The following MIGA2 variants were observed in gnomAD, a reference collection of about 807,000 sequenced individuals.
MIGA2 encodes mitoguardin 2, also known as family with sequence similarity 73, member B.
A neutral mutation model predicts 69.9 loss-of-function variants in MIGA2; 36 were observed. That is an observed-to-expected ratio of 0.52 (90% CI 0.39 to 0.68). The LOEUF is 0.68. Ranked by LOEUF, MIGA2 falls within the 30% of genes least tolerant of loss-of-function variation. The pLI is 0.00. For missense variants in MIGA2, 660 were observed against 787.7 expected, an observed-to-expected ratio of 0.84 and a Z score of 1.94; for synonymous variants, 333 against 349.2, an observed-to-expected ratio of 0.95 and a Z score of 0.52.
rs1423561568 is a variant in MIGA2 at position 129,069,658 on chromosome 9, G to A, written c.1459-191G>A. The A allele has an allele frequency of 1.1e-5, 7 of 617,382 alleles. No individual in the cohort carries two copies. The highest frequency in any genetic ancestry group is 5.1e-5 in the Admixed American group (2 of 39,542). The allele number at this position is 617,382 out of a possible 1,614,324, so 38.2% of individuals were successfully genotyped here. The stretch of plus-strand genomic sequence containing the variant: ...CCCCACCTCTTGCAGTACTCACAGC[G>A]GCCCATGGTTACCCTGTCTGCAGAA... On this transcript the variant is annotated intron_variant, in intron 14 of 15. Coordinates refer to ENST00000684074, the MANE Select transcript of MIGA2 (RefSeq NM_001329990.2). This position sits in a 1 kb window ranked among gnomAD's most constrained non-coding sequence, Gnocchi z 4.9.
intron 9 of MIGA2, among the ~76,000 whole-genome samples, chr9:129,062,615 A>G (rs1846126089): frequency 6.6e-6 from 1 of 151,344 alleles, no homozygotes; most frequent in Non-Finnish European, 1.5e-5. Context: ...AGGCCAAAGC[A>G]GGCAGATCAC....
At chr9:129,036,825 C>A in intron 1 of MIGA2, 144 bp downstream of exon 1, 2 of 489,834 alleles carry the variant, frequency 4.1e-6, no homozygotes, top group Non-Finnish European at 5.5e-6. Flanking sequence ...GGTACCCGGG[C>A]CGGGGACGGT....
chr9:129,039,175 T>TTGTGTGTGTGTGTGTGTGTG (rs61426484), intron 1 of MIGA2, among the ~76,000 whole-genome samples: 1 of 139,904 alleles, frequency 7.1e-6, no homozygotes, highest in South Asian at 2.4e-4. Context: ...AGCTCTTTGT[T>TTGTGTGTGTGTGTGTGTGTG]TGTGTGTGTG....
chr9:129,062,531 C>CAAAAAAAAAAAAAAAAAAAAAAAAAAAA (rs1161024946), intron 9 of MIGA2, among the ~76,000 whole-genome samples: 1 of 42,554 alleles, frequency 2.3e-5, no homozygotes, highest in Non-Finnish European at 4.8e-5. Context: ...GACTCCATCT[C>CAAAAAAAAAAAAAAAAAAAAAAAAAAAA]AAAAAAAAAA....
chr9:129,045,498 C>T (rs1283716421), intron 3 of MIGA2, among the ~76,000 whole-genome samples: 1 of 148,964 alleles, frequency 6.7e-6, no homozygotes, highest in Non-Finnish European at 1.5e-5. Flanking sequence ...GTGGCTCACA[C>T]CTGTAATCCC....
chr9:129,039,153 G>A (rs1047266819), intron 1 of MIGA2, among the ~76,000 whole-genome samples: 4 of 150,072 alleles, frequency 2.7e-5, no homozygotes, highest in African/African-American at 9.8e-5. Context: ...CACAAAATAC[G>A]TAGCGTGGAG....
Position 129,068,566 on chromosome 9 carries a change from G to A in MIGA2, c.1404+234G>A. 1.8e-6 allele frequency: 1 copy of A among 542,356 alleles called. No homozygotes were observed. Among genetic ancestry groups the A allele is most frequent in the South Asian group, 2.6e-5 (1 of 39,168 alleles). The allele number at this position is 542,356 out of a possible 1,614,324, so 33.6% of individuals were successfully genotyped here. ...ATGGTGTGCGCTTTCTTCCTATTGTGTGGTTTTACTTTTGTGCTGGTATGA... is the reference window on the plus strand; with the variant it reads ...ATGGTGTGCGCTTTCTTCCTATTGTATGGTTTTACTTTTGTGCTGGTATGA... On this transcript the variant is annotated intron_variant, in intron 13 of 15. Transcript: ENST00000684074. The surrounding 1 kb of genome is among the most constrained non-coding windows in gnomAD (Gnocchi z 4.1).
intron 3 of MIGA2, among the ~76,000 whole-genome samples, chr9:129,047,970 C>T (rs576369055): frequency 1.3e-5 from 2 of 151,314 alleles, no homozygotes; most frequent in South Asian, 2.1e-4. Context: ...CTCAAGCAGT[C>T]CTCCCCCATC....
Position 129,063,258 on chromosome 9 carries a change from G to A in MIGA2, c.1025G>A (p.Gly342Asp). The A allele has an allele frequency of 2.5e-6, 4 of 1,614,078 alleles. No individual in the cohort carries two copies. The highest frequency in any genetic ancestry group is 1.7e-5 in the Admixed American group (1 of 60,032). ...CCTCCCCTCAGGACGGAGCTGCTGG[G>A]CTGCTACAGTGACCAGGACTTTCTG... is the stretch of plus-strand genomic sequence containing the variant. ...PCRTLRTELL[G>D]CYSDQDFLAK... Residue 342 changes from glycine to aspartate, a missense_variant, in exon 10 of 16, where the codon GGC becomes GAC. By Grantham distance (94) the Gly-to-Asp change is moderately conservative. This residue lies in a region of MIGA2 where 386 missense variants were observed against 402.0 expected (regional missense o/e 0.96). Transcript: ENST00000684074.
chr9:129,048,531 G>A lies in MIGA2; in HGVS notation c.412G>A (p.Val138Met). 1.2e-6 allele frequency: 2 copies of A among 1,613,884 alleles called. No homozygotes were observed. Among genetic ancestry groups the A allele is most frequent in the South Asian group, 1.1e-5 (1 of 91,088 alleles). Residue 138 changes from valine to methionine, a missense_variant, in exon 4 of 16, where the codon GTG becomes ATG. Physicochemically the swap from Val to Met is conservative, Grantham distance 21. This residue lies in a region of MIGA2 where 386 missense variants were observed against 402.0 expected (regional missense o/e 0.96). Coordinates refer to ENST00000684074, the MANE Select transcript of MIGA2 (RefSeq NM_001329990.2). ...PSKHSGSSHS[V>M]ASMMAVNSSS... ...CAAGCACTCGGGCTCCTCCCACAGTGTGGCCTCGGTGAGCAGCAGGTGCCA... is the reference window on the plus strand; with the variant it reads ...CAAGCACTCGGGCTCCTCCCACAGTATGGCCTCGGTGAGCAGCAGGTGCCA...
chr9:129,056,249 G>A (rs763252565), intron 6 of MIGA2, among the ~76,000 whole-genome samples: 2 of 151,862 alleles, frequency 1.3e-5, no homozygotes, highest in Admixed American at 6.6e-5. Flanking sequence ...AATGTTGCAC[G>A]TGGCTTTCCA....
chr9:129,069,824 C>T lies in MIGA2; in HGVS notation c.1459-25C>T, dbSNP rs769402435. 8 of 1,554,698 alleles carry T rather than the reference C, an allele frequency of 5.1e-6. No individual in the cohort carries two copies. The highest frequency in any genetic ancestry group is 1.7e-4 in the Middle Eastern group (1 of 5,936). On this transcript the variant is annotated intron_variant, in intron 14 of 15. Transcript: ENST00000684074. The surrounding 1 kb of genome is among the most constrained non-coding windows in gnomAD (Gnocchi z 4.9). ...CTCATCCTACCTGGGCCCCGCCTGG[C>T]CCCTCAGCCTTGTGCCCACCGCAGG...
At chr9:129,057,040 GA>G (rs948361923) in intron 6 of MIGA2, among the ~76,000 whole-genome samples, 3 of 151,278 alleles carry the variant, frequency 2.0e-5, no homozygotes, top group African/African-American at 7.3e-5. Flanking sequence ...TCTCAAAAAA[GA>G]AAAAAAGAAA....
chr9:129,048,617 A>G lies in MIGA2; in HGVS notation c.420+78A>G, dbSNP rs1845360115. On this transcript the variant is annotated intron_variant, in intron 4 of 15. Coordinates refer to ENST00000684074, the MANE Select transcript of MIGA2 (RefSeq NM_001329990.2). Reference sequence around the variant, plus strand: ...TGAGGACTCTGCCCTCAGCAAGCTTATAGACTGGTAGAGTCCATTCATTCA... The same window carrying G: ...TGAGGACTCTGCCCTCAGCAAGCTTGTAGACTGGTAGAGTCCATTCATTCA... The G allele has an allele frequency of 2.7e-6, 3 of 1,105,234 alleles. No individual in the cohort carries two copies. The Admixed American group carries it at 5.4e-5, about 20-fold the overall frequency. The allele number at this position is 1,105,234 out of a possible 1,614,324, so 68.5% of individuals were successfully genotyped here.
chr9:129,064,498 T>C (rs981356982), intron 11 of MIGA2, among the ~76,000 whole-genome samples: 8 of 150,732 alleles, frequency 5.3e-5, no homozygotes, highest in Admixed American at 2.0e-4. Context: ...TGAGCCACCG[T>C]GCCTGGCCTT....
rs1391072449 is a variant in MIGA2, at chr9:129,042,481, C to G, written c.274C>G (p.Leu92Val). The change falls in exon 3 of 16, where the codon CTC (leucine) becomes GTC (valine). Residue 92 changes from leucine (L) to valine (V), a missense_variant. By Grantham distance (32) the Leu-to-Val change is conservative (BLOSUM62 1). Coordinates refer to ENST00000684074, the MANE Select transcript of MIGA2 (RefSeq NM_001329990.2). ...GCTGGGCACGGTGCCCCTCCCTATC[C>G]TCTTGGCCAGGAAGGTCCCTTCAGT... ...EQLGTVPLPI[L>V]LARKVPSVKK... 2 of 1,594,164 alleles carry G rather than the reference C, an allele frequency of 1.3e-6. No individual in the cohort carries two copies. The highest frequency in any genetic ancestry group is 1.1e-5 in the South Asian group (1 of 88,684).
chr9:129,060,502 C>T lies in MIGA2; in HGVS notation c.794-48C>T. 1 of 1,437,952 alleles carries T rather than the reference C, an allele frequency of 7.0e-7. No individual in the cohort carries two copies. Among genetic ancestry groups the T allele is most frequent in the Non-Finnish European group, 9.5e-7 (1 of 1,047,990 alleles). 89.1% of individuals were successfully genotyped at this position (1,437,952 alleles called of 1,614,324 possible). A position where few individuals can be genotyped will look rare whatever the true frequency, so the allele number is the denominator to read the frequency against. On this transcript the variant is annotated intron_variant, in intron 7 of 15. Coordinates refer to ENST00000684074, the MANE Select transcript of MIGA2 (RefSeq NM_001329990.2). This position sits in a 1 kb window ranked among gnomAD's most constrained non-coding sequence, Gnocchi z 4.8. ...TTCGTGTACCGGGATTCCAGCTGAG[C>T]ACTGTGTGGGGAGTCTCAGCCCCGC...
At chr9:129,037,544 C>T (rs1299741764) in intron 1 of MIGA2, among the ~76,000 whole-genome samples, 1 of 152,038 alleles carries the variant, frequency 6.6e-6, no homozygotes, top group African/African-American at 2.4e-5. Context: ...GCCAGGGGGA[C>T]GGACACAGTG....
intron 6 of MIGA2, among the ~76,000 whole-genome samples, chr9:129,051,728 C>G (rs759823826): frequency 3.3e-5 from 5 of 151,272 alleles, no homozygotes; most frequent in Non-Finnish European, 7.4e-5. Context: ...TCCCCAGTAG[C>G]TGGGACTACA....
Sources: gnomAD v4.1 joint callset for allele counts (sites outside exome capture counted in the v4.1 genomes callset) on GRCh38, gnomAD v4.1.1 for gene constraint, gnomAD v4.1.1 regional missense constraint, Gnocchi (gnomAD v3.1) non-coding constraint, MANE v1.5 for transcripts, NCBI Gene and HGNC (gene_info 2026-07-23, HGNC 2026-07-21) for gene names.